Variants in PDE11A observed in about 807,000 individuals in gnomAD.
PDE11A encodes phosphodiesterase 11A.
In PDE11A, 100 loss-of-function variants were observed where a neutral mutation model predicts 100.5. The observed-to-expected ratio is 1.00, with a 90% CI of 0.85 to 1.18. The LOEUF (loss-of-function observed/expected upper bound fraction) is 1.18, where lower values mean the gene tolerates loss of function less well. Among genes scored for constraint, PDE11A ranks in the 50% most tolerant of loss-of-function variants. PDE11A has a pLI of 0.00. For synonymous variants in PDE11A, 381 were observed against 420.8 expected, an observed-to-expected ratio of 0.91 and a Z score of 1.16; for missense variants, 1,141 against 1,152.6, an observed-to-expected ratio of 0.99 and a Z score of 0.15.
At chr2:177,715,492 T>C (rs2081423874) in intron 12 of PDE11A, among the ~76,000 whole-genome samples, 3 of 152,056 alleles carry the variant, frequency 2.0e-5, no homozygotes, top group Non-Finnish European at 4.4e-5. Flanking sequence ...AAAATAATTT[T>C]CTCTTCAGGA....
chr2:178,077,353 T>C (rs538043344), upstream of PDE11A, among the ~76,000 whole-genome samples: 1 of 146,624 alleles, frequency 6.8e-6, no homozygotes, highest in South Asian at 2.3e-4. Context: ...CATTTCTAAC[T>C]ACTGCAAAAT....
At chr2:178,061,228 G>A (rs1453335071) in intron 1 of PDE11A, among the ~76,000 whole-genome samples, 1 of 152,066 alleles carries the variant, frequency 6.6e-6, no homozygotes, top group Non-Finnish European at 1.5e-5. Flanking sequence ...GTTGTGGTTG[G>A]CAGAGTCGGG....
At chr2:178,089,862 A>G (rs1038584463) in intron 2 of PDE11A, among the ~76,000 whole-genome samples, 1 of 152,210 alleles carries the variant, frequency 6.6e-6, no homozygotes, top group Non-Finnish European at 1.5e-5. Context: ...TCAAAGCTGG[A>G]TGATAGGAAT....
chr2:178,103,185 G>C (rs912205118), intron 2 of PDE11A, among the ~76,000 whole-genome samples: 27 of 49,730 alleles, frequency 5.4e-4, no homozygotes, highest in African/African-American at 1.8e-3. Context: ...ATTTCCAGTG[G>C]GGGGGGAAGG....
rs1213102803 is a variant in PDE11A at position 177,628,850 on chromosome 2, A to G, written c.*557T>C. The G allele has an allele frequency of 1.8e-5, 3 of 170,598 alleles. No homozygotes were observed. The highest frequency in any genetic ancestry group is 7.2e-5 in the African/African-American group (3 of 41,624). The allele number at this position is 170,598 out of a possible 1,614,324, so 10.6% of individuals were successfully genotyped here. On this transcript the variant is annotated 3_prime_UTR_variant, in exon 20 of 20. Transcript: ENST00000286063. ...GGGATTGATCAGTATTTATAAGGAT[A>G]GTATAGTTTACCTTTTAGGTAGGCA... is the stretch of plus-strand genomic sequence containing the variant.
At chr2:177,713,460 C>T (rs2081386238) in intron 12 of PDE11A, among the ~76,000 whole-genome samples, 1 of 151,832 alleles carries the variant, frequency 6.6e-6, no homozygotes, top group Non-Finnish European at 1.5e-5. Context: ...CACGGTGGCT[C>T]AAAATTGTAA....
chr2:177,695,282 G>T (rs2081095457), intron 15 of PDE11A, among the ~76,000 whole-genome samples: 1 of 152,046 alleles, frequency 6.6e-6, no homozygotes, highest in Admixed American at 6.6e-5. Flanking sequence ...AGGGTATTTA[G>T]GATATCTGTC....
chr2:178,038,129 T>C (rs1409988490), intron 1 of PDE11A, among the ~76,000 whole-genome samples: 1 of 152,154 alleles, frequency 6.6e-6, no homozygotes, highest in Non-Finnish European at 1.5e-5. Context: ...TATTGAGATA[T>C]AATTGAAATA....
intron 9 of PDE11A, among the ~76,000 whole-genome samples, chr2:177,814,919 C>T (rs990186147): frequency 6.6e-6 from 1 of 152,120 alleles, no homozygotes; most frequent in African/African-American, 2.4e-5. Context: ...CATGCTGCAA[C>T]GCAGTTATTC....
At chr2:178,057,423 G>A (rs1559057248) in intron 1 of PDE11A, among the ~76,000 whole-genome samples, 1 of 152,138 alleles carries the variant, frequency 6.6e-6, no homozygotes, top group Non-Finnish European at 1.5e-5. Context: ...TTTCACCAAA[G>A]GCTGAGCTCT....
chr2:177,814,823 G>A (rs1332093827), intron 9 of PDE11A, among the ~76,000 whole-genome samples: 1 of 152,170 alleles, frequency 6.6e-6, no homozygotes, highest in Non-Finnish European at 1.5e-5. Context: ...CTAGGTAATG[G>A]TAACTGTGGC....
chr2:177,765,672 C>T (rs1040522134), intron 10 of PDE11A, among the ~76,000 whole-genome samples: 5 of 152,170 alleles, frequency 3.3e-5, no homozygotes, highest in Admixed American at 2.0e-4. Flanking sequence ...AAAGCTCATG[C>T]CTTCTGTGTT....
chr2:177,663,002 C>G (rs566171263), intron 19 of PDE11A, among the ~76,000 whole-genome samples: 12 of 152,292 alleles, frequency 7.9e-5, no homozygotes, highest in Non-Finnish European at 1.6e-4. Context: ...CTTTTGCTTT[C>G]CCTGCATGTT....
chr2:177,645,873 T>C (rs1462513871), intron 19 of PDE11A, among the ~76,000 whole-genome samples: 1 of 152,230 alleles, frequency 6.6e-6, no homozygotes, highest in East Asian at 1.9e-4. Flanking sequence ...AAGAGACCAT[T>C]TTTTCCCCAA....
At chr2:177,713,987 CTTTTTTT>C (rs57211363) in intron 12 of PDE11A, among the ~76,000 whole-genome samples, 2 of 77,400 alleles carry the variant, frequency 2.6e-5, no homozygotes, top group African/African-American at 1.1e-4. Context: ...TTTCTTTTTT[CTTTTTTT>C]TTTTTTTTTT....
chr2:177,637,997 ATTT>A (rs10556235), intron 19 of PDE11A, among the ~76,000 whole-genome samples: 2,708 of 106,432 alleles, frequency 0.025, 170 homozygotes, highest in East Asian at 0.068. Context: ...ATATATATAT[ATTT>A]TTTTTTTTTT....
intron 1 of PDE11A, among the ~76,000 whole-genome samples, chr2:178,039,824 T>C (rs997426420): frequency 3.9e-5 from 6 of 152,008 alleles, no homozygotes; most frequent in Non-Finnish European, 5.9e-5. Context: ...AAAAACATAA[T>C]GTTGAGCAGA....
chr2:177,766,276 C>T (rs1303395078), intron 10 of PDE11A, among the ~76,000 whole-genome samples: 1 of 152,262 alleles, frequency 6.6e-6, no homozygotes, highest in Non-Finnish European at 1.5e-5. Context: ...GTTTGCACTC[C>T]TATGAGAATC....
intron 5 of PDE11A, among the ~76,000 whole-genome samples, chr2:177,845,522 G>C (rs1359072502): frequency 1.3e-5 from 2 of 151,956 alleles, no homozygotes; most frequent in Admixed American, 6.5e-5. Flanking sequence ...TGGCGGCCGG[G>C]CGGAGACGCT....
Sources: gnomAD v4.1 joint callset for allele counts (sites outside exome capture counted in the v4.1 genomes callset) on GRCh38, gnomAD v4.1.1 for gene constraint, MANE v1.5 for transcripts, NCBI Gene and HGNC (gene_info 2026-07-23, HGNC 2026-07-21) for gene names.